Variants in SHOC2 observed in about 807,000 individuals in gnomAD.
SHOC2 encodes leucine-rich repeat protein SHOC-2.
Under a neutral mutation model 50.2 loss-of-function variants are expected in SHOC2, and 4 were observed. The ratio of observed to expected loss-of-function variants is 0.08; its 90% CI spans 0.04 to 0.18. The LOEUF is 0.18. SHOC2 is among the 10% of genes least tolerant of loss of function. The probability of loss-of-function intolerance (pLI) is 1.00; values close to 1 mark genes in which losing one functional copy is unlikely to be tolerated. For missense variants in SHOC2, 388 were observed against 669.6 expected (o/e 0.58, Z 4.64); for synonymous variants, 218 against 244.5 (o/e 0.89, Z 1.01).
intron 4 of SHOC2, among the ~76,000 whole-genome samples, chr10:111,003,634 A>G (rs912031680): frequency 1.3e-5 from 2 of 152,186 alleles, no homozygotes; most frequent in African/African-American, 2.4e-5. Flanking sequence ...TCAGGATTCA[A>G]AACAGTTTAT....
chr10:110,992,005 A>C (rs935800231), intron 3 of SHOC2, among the ~76,000 whole-genome samples: 24 of 152,320 alleles, frequency 1.6e-4, no homozygotes, highest in African/African-American at 5.1e-4. Context: ...TTGTAACTGA[A>C]AATCAAATCT....
At chr10:110,940,691 CTT>C (rs1847119446) in intron 1 of SHOC2, among the ~76,000 whole-genome samples, 1 of 152,120 alleles carries the variant, frequency 6.6e-6, no homozygotes, top group Non-Finnish European at 1.5e-5. Flanking sequence ...CAGTTCCTCT[CTT>C]AGTTATTTAA....
At chr10:111,008,199 A>G (rs1259725450) in intron 6 of SHOC2, among the ~76,000 whole-genome samples, 1 of 148,672 alleles carries the variant, frequency 6.7e-6, no homozygotes, top group East Asian at 2.0e-4. Context: ...TTTTTCCATA[A>G]TTAAAGATCC....
At chr10:110,965,153 C>A in intron 2 of SHOC2, 92 bp downstream of exon 2, 1 of 1,057,568 alleles carries the variant, frequency 9.5e-7, no homozygotes, top group Non-Finnish European at 1.4e-6. Context: ...TGATACTTGC[C>A]TAAAAACAGC....
At chr10:111,006,355 A>G (rs1422873056) in intron 5 of SHOC2, among the ~76,000 whole-genome samples, 1 of 152,130 alleles carries the variant, frequency 6.6e-6, no homozygotes, top group African/African-American at 2.4e-5. Context: ...TCCATGTGCA[A>G]TGCAGCAAAT....
At chr10:110,981,843 C>T (rs965778700) in intron 2 of SHOC2, among the ~76,000 whole-genome samples, 2 of 125,858 alleles carry the variant, frequency 1.6e-5, no homozygotes, top group Non-Finnish European at 3.2e-5. Context: ...ATTCAGTTTT[C>T]TTATTTATTT....
chr10:110,982,038 A>C (rs866082109), intron 2 of SHOC2, among the ~76,000 whole-genome samples: 2 of 121,126 alleles, frequency 1.7e-5, no homozygotes, highest in Non-Finnish European at 1.6e-5. Context: ...CCAGAGTGTG[A>C]TGTTCCCCTT....
chr10:110,970,739 T>G (rs1167954082), intron 2 of SHOC2, among the ~76,000 whole-genome samples: 1 of 151,740 alleles, frequency 6.6e-6, no homozygotes, highest in Non-Finnish European at 1.5e-5. Flanking sequence ...GTTTTTTTTT[T>G]TTTTTGTCAT....
chr10:110,953,492 A>G (rs1176312222), intron 1 of SHOC2, among the ~76,000 whole-genome samples: 2 of 152,056 alleles, frequency 1.3e-5, no homozygotes, highest in African/African-American at 4.8e-5. Context: ...GCGCTGATTA[A>G]TATTGTATTT....
chr10:111,003,601 T>C (rs1370225510), intron 4 of SHOC2, among the ~76,000 whole-genome samples: 1 of 152,152 alleles, frequency 6.6e-6, no homozygotes, highest in African/African-American at 2.4e-5. Flanking sequence ...CTTGCCAAAG[T>C]CACAAGCTAT....
intron 1 of SHOC2, chr10:110,936,483 G>T: frequency 1.8e-6 from 1 of 569,930 alleles, no homozygotes; most frequent in Non-Finnish European, 3.1e-6. Flanking sequence ...ATTCTCAAAG[G>T]ATTCTCTTTT....
chr10:110,995,553 T>C (rs2134162297), intron 3 of SHOC2, among the ~76,000 whole-genome samples: 1 of 152,280 alleles, frequency 6.6e-6, no homozygotes, highest in Non-Finnish European at 1.5e-5. Context: ...GAAGGCAGAT[T>C]TGTTGATAGG....
chr10:111,008,760 C>T (rs375248811), intron 6 of SHOC2, among the ~76,000 whole-genome samples: 189 of 152,246 alleles, frequency 1.2e-3, no homozygotes, highest in African/African-American at 4.2e-3. Context: ...CCTTACCTTT[C>T]TGCTAGTTTG....
intron 1 of SHOC2, among the ~76,000 whole-genome samples, chr10:110,924,067 T>A (rs1365111469): frequency 1.3e-5 from 2 of 152,228 alleles, no homozygotes; most frequent in African/African-American, 2.4e-5. Context: ...TTCTTCCTGC[T>A]TTCAGTACTT....
chr10:110,998,617 T>C (rs1487980939), intron 3 of SHOC2, among the ~76,000 whole-genome samples: 1 of 152,220 alleles, frequency 6.6e-6, no homozygotes, highest in Non-Finnish European at 1.5e-5. Context: ...AACACTATTG[T>C]ACAAAAGTGA....
At chr10:110,992,985 C>G (rs1848211537) in intron 3 of SHOC2, among the ~76,000 whole-genome samples, 1 of 152,074 alleles carries the variant, frequency 6.6e-6, no homozygotes, top group African/African-American at 2.4e-5. Flanking sequence ...ACTAAAGTTG[C>G]TGGTTATATT....
chr10:110,968,817 T>C (rs573696053), intron 2 of SHOC2, among the ~76,000 whole-genome samples: 1 of 152,078 alleles, frequency 6.6e-6, no homozygotes, highest in Non-Finnish European at 1.5e-5. Context: ...ATAAAAATAA[T>C]TTTTTTAAAA....
At chr10:110,948,384 A>C (rs995033175) in intron 1 of SHOC2, among the ~76,000 whole-genome samples, 2 of 152,234 alleles carry the variant, frequency 1.3e-5, no homozygotes, top group Non-Finnish European at 2.9e-5. Flanking sequence ...ATTTTAGGCC[A>C]AATGGACGTA....
intron 1 of SHOC2, among the ~76,000 whole-genome samples, chr10:110,950,970 G>C (rs965610510): frequency 2.0e-5 from 3 of 152,176 alleles, no homozygotes; most frequent in Admixed American, 2.0e-4. Flanking sequence ...TCTTGACATT[G>C]GTTGGGGCAA....
Sources: gnomAD v4.1 joint callset for allele counts (sites outside exome capture counted in the v4.1 genomes callset) on GRCh38, gnomAD v4.1.1 for gene constraint, MANE v1.5 for transcripts, NCBI Gene and HGNC (gene_info 2026-07-23, HGNC 2026-07-21) for gene names.